The following FAM222A variants were observed in gnomAD, a reference collection of about 807,000 sequenced individuals.
The protein encoded by FAM222A is protein FAM222A.
In FAM222A, 7 loss-of-function variants were observed where a neutral mutation model predicts 25.8. That is an observed-to-expected ratio of 0.27 (90% CI 0.15 to 0.51). The LOEUF (loss-of-function observed/expected upper bound fraction) is 0.51. FAM222A is among the 20% of genes least tolerant of loss of function. The pLI is 0.97. For synonymous variants in FAM222A, 294 were observed against 298.8 expected (o/e 0.98, Z 0.17); for missense variants, 573 against 640.5 (o/e 0.89, Z 1.14).
chr12:109,715,708 C>A (rs76446401), intron 1 of FAM222A, among the ~76,000 whole-genome samples: 1,981 of 152,298 alleles, frequency 0.013, 50 homozygotes, highest in African/African-American at 0.046. Flanking sequence ...GTGTTCAGAG[C>A]TTTGCCCATG....
At chr12:109,733,605 G>A (rs192326131) in intron 1 of FAM222A, among the ~76,000 whole-genome samples, 14 of 152,124 alleles carry the variant, frequency 9.2e-5, no homozygotes, top group Admixed American at 4.6e-4. Flanking sequence ...GGGTTTCACC[G>A]TGTTAGCCAG....
At chr12:109,741,156 C>A (rs1304917135) in intron 1 of FAM222A, among the ~76,000 whole-genome samples, 2 of 152,176 alleles carry the variant, frequency 1.3e-5, no homozygotes, top group Non-Finnish European at 2.9e-5. Context: ...TGGTGGTCCC[C>A]TCCCCACTTC....
intron 1 of FAM222A, among the ~76,000 whole-genome samples, chr12:109,715,618 C>T (rs1360130404): frequency 1.3e-5 from 2 of 152,154 alleles, no homozygotes; most frequent in African/African-American, 2.4e-5. Context: ...GTCCTCTGAC[C>T]TAAATCCTTA....
In FAM222A at chr12:109,731,134, C is replaced by T. The variant is rs1274928530; in HGVS notation, c.-46-12967C>T. ...GTTCAAACTGAGTTCTGGGTTTTTG[C>T]CTTAGCTGAGGTGCTGTTTCGTCCT... On this transcript the variant is annotated intron_variant, in intron 1 of 2. Transcript: ENST00000538780. 2.0e-5 allele frequency among the ~76,000 whole-genome samples: 3 copies of T among 152,194 alleles called. No individual in the cohort carries two copies. In the East Asian group the frequency reaches 5.8e-4, roughly 29 times the overall value.
intron 2 of FAM222A, among the ~76,000 whole-genome samples, chr12:109,759,794 G>T (rs1364096104): frequency 1.3e-5 from 2 of 152,184 alleles, no homozygotes; most frequent in African/African-American, 2.4e-5. Flanking sequence ...CCTGGGAGCG[G>T]GATTCTTTGG....
intron 1 of FAM222A, among the ~76,000 whole-genome samples, chr12:109,731,431 C>G (rs1887945595): frequency 1.3e-5 from 2 of 152,154 alleles, no homozygotes; most frequent in South Asian, 4.1e-4. Flanking sequence ...CAGATCCCAC[C>G]AGGAGCAAAT....
chr12:109,760,569 G>A (rs1191423217), intron 2 of FAM222A, among the ~76,000 whole-genome samples: 2 of 152,054 alleles, frequency 1.3e-5, no homozygotes, highest in African/African-American at 2.4e-5. Flanking sequence ...GTATTTGAAC[G>A]CTGCTTAAAT....
intron 2 of FAM222A, among the ~76,000 whole-genome samples, chr12:109,758,794 C>T (rs10850705): frequency 0.33 from 50,878 of 152,104 alleles, 10,443 homozygotes; most frequent in Non-Finnish European, 0.44. Flanking sequence ...CTCCCCCTGG[C>T]GAGCTGGGGC....
In FAM222A at chr12:109,770,166, C is replaced by T. The variant is rs543083003; in HGVS notation, c.*878C>T. ...TCTTAGATCCCATCCTTGCCTTCTT[C>T]GAGGGATCTCTTGGGACCCTCCTGG... On this transcript the variant is annotated 3_prime_UTR_variant, in exon 3 of 3. Transcript: ENST00000538780. 11 of 152,586 alleles carry T rather than the reference C, an allele frequency of 7.2e-5. No homozygotes were observed. In the East Asian group the frequency reaches 1.7e-3, roughly 24 times the overall value. The allele number at this position is 152,586 out of a possible 1,614,324, so 9.5% of individuals were successfully genotyped here.
rs1454410650 is a variant in FAM222A, at chr12:109,713,939, C to A, written c.-1005C>A. On this transcript the variant is annotated 5_prime_UTR_variant, in exon 1 of 3. Transcript: ENST00000538780. ...CGGGCCCGGCGCCTGTGGGGCGCGGCGCGCGGCACCCGGGCCTGAGACCAG... is the reference window on the plus strand; with the variant it reads ...CGGGCCCGGCGCCTGTGGGGCGCGGAGCGCGGCACCCGGGCCTGAGACCAG... Among the ~76,000 whole-genome samples, 1 of 146,188 alleles carries A rather than the reference C, an allele frequency of 6.8e-6. No homozygotes were observed. Among genetic ancestry groups the A allele is most frequent in the Non-Finnish European group, 1.5e-5 (1 of 65,808 alleles).
intron 2 of FAM222A, among the ~76,000 whole-genome samples, chr12:109,752,157 AGGGGCT>A (rs1478691059): frequency 6.6e-6 from 1 of 152,154 alleles, no homozygotes; most frequent in Non-Finnish European, 1.5e-5. Flanking sequence ...TGGCTAGAGG[AGGGGCT>A]GGGCCTGATG....
intron 2 of FAM222A, among the ~76,000 whole-genome samples, chr12:109,745,053 A>G (rs1888358813): frequency 6.6e-6 from 1 of 152,124 alleles, no homozygotes. Context: ...ATCTTTAGAC[A>G]AGGGAACATA....
At chr12:109,718,251 C>T (rs761544493) in intron 1 of FAM222A, among the ~76,000 whole-genome samples, 2 of 152,186 alleles carry the variant, frequency 1.3e-5, no homozygotes, top group Non-Finnish European at 2.9e-5. Flanking sequence ...GGGAGAGGCC[C>T]GAACTCTACC....
Position 109,769,600 on chromosome 12 carries a change from A to C in FAM222A, c.*312A>C. ...AGAGAGAAACCACTCAAAAACAGGA[A>C]TGGTTCTTTCTGGGCCTCCTGGGAC... On this transcript the variant is annotated 3_prime_UTR_variant, in exon 3 of 3. Transcript: ENST00000538780. The C allele has an allele frequency of 2.1e-5, 8 of 378,666 alleles. No individual in the cohort carries two copies. Among genetic ancestry groups the C allele is most frequent in the South Asian group, 3.9e-5 (1 of 25,476 alleles). The allele number at this position is 378,666 out of a possible 1,614,324, so 23.5% of individuals were successfully genotyped here.
At chr12:109,720,298 A>C (rs1887724039) in intron 1 of FAM222A, 2 of 586,792 alleles carry the variant, frequency 3.4e-6, no homozygotes, top group East Asian at 1.4e-4. Context: ...TGGGGACTTA[A>C]TGACGCAGAA....
At chr12:109,760,485 T>G (rs1732182997) in intron 2 of FAM222A, among the ~76,000 whole-genome samples, 1 of 152,138 alleles carries the variant, frequency 6.6e-6, no homozygotes, top group African/African-American at 2.4e-5. Flanking sequence ...AATCCTCTCT[T>G]GGCCACCAGT....
At chr12:109,762,489 C>G (rs1489613406) in intron 2 of FAM222A, among the ~76,000 whole-genome samples, 2 of 152,224 alleles carry the variant, frequency 1.3e-5, no homozygotes, top group Non-Finnish European at 2.9e-5. Context: ...AGAATGGAGT[C>G]ACGAAGCCGC....
chr12:109,757,511 T>C (rs1888767161), intron 2 of FAM222A, among the ~76,000 whole-genome samples: 1 of 152,054 alleles, frequency 6.6e-6, no homozygotes, highest in African/African-American at 2.4e-5. Context: ...CCTCACACCA[T>C]ACCCAAAAAG....
chr12:109,735,161 T>C (rs1296283992), intron 1 of FAM222A, among the ~76,000 whole-genome samples: 1 of 152,228 alleles, frequency 6.6e-6, no homozygotes, highest in African/African-American at 2.4e-5. Flanking sequence ...CCTGGGCCAC[T>C]GCGTCTTCTA....
Sources: gnomAD v4.1 joint callset for allele counts (sites outside exome capture counted in the v4.1 genomes callset) on GRCh38, gnomAD v4.1.1 for gene constraint, MANE v1.5 for transcripts, NCBI Gene and HGNC (gene_info 2026-07-23, HGNC 2026-07-21) for gene names.